The following FCRL5 variants were observed in gnomAD, a reference collection of about 807,000 sequenced individuals.
The protein encoded by FCRL5 is Fc receptor like 5.
FCRL5 carries 79 observed loss-of-function variants against 92.1 expected under a neutral mutation model. The ratio of observed to expected loss-of-function variants is 0.86; its 90% CI spans 0.72 to 1.03. The LOEUF (loss-of-function observed/expected upper bound fraction) is 1.03. Ranked by LOEUF, FCRL5 falls within the 50% of genes least tolerant of loss-of-function variation. The probability of loss-of-function intolerance (pLI) is 0.00; values close to 1 mark genes in which losing one functional copy is unlikely to be tolerated. For synonymous variants in FCRL5, 466 were observed against 469.3 expected (o/e 0.99, Z 0.09); for missense variants, 1,160 against 1,181.1 (o/e 0.98, Z 0.26).
intron 15 of FCRL5, among the ~76,000 whole-genome samples, chr1:157,517,411 TG>T: frequency 6.6e-6 from 1 of 152,298 alleles, no homozygotes; most frequent in East Asian, 1.9e-4. Flanking sequence ...ACCTTTCAGA[TG>T]TGATTAGGAT....
intron 6 of FCRL5, among the ~76,000 whole-genome samples, chr1:157,541,503 G>T: frequency 6.6e-6 from 1 of 152,274 alleles, no homozygotes; most frequent in East Asian, 1.9e-4. Flanking sequence ...TGCTGCAGTC[G>T]TCAAGAACCG....
chr1:157,549,095 C>T (rs1651691066), intron 2 of FCRL5, among the ~76,000 whole-genome samples: 1 of 151,986 alleles, frequency 6.6e-6, no homozygotes, highest in Admixed American at 6.6e-5. Flanking sequence ...CCATGGAATA[C>T]TATGCAGCCA....
intron 6 of FCRL5, among the ~76,000 whole-genome samples, chr1:157,540,592 G>C (rs555851582): frequency 6.6e-6 from 1 of 150,676 alleles, no homozygotes; most frequent in East Asian, 1.9e-4. Flanking sequence ...CCTCACAGTC[G>C]GTTTCTCCGC....
chr1:157,534,761 T>C lies in FCRL5; in HGVS notation c.1534A>G (p.Met512Val), dbSNP rs560596738. 14 of 1,614,044 alleles carry C rather than the reference T, an allele frequency of 8.7e-6. No individual in the cohort carries two copies. The highest frequency in any genetic ancestry group is 1.2e-5 in the Non-Finnish European group (14 of 1,180,024). ...GGTGTTGAGCTGCTCCACAGGGGCATGTCCTCATGATAAAACTGGTATAGG... is the reference window on the plus strand; with the variant it reads ...GGTGTTGAGCTGCTCCACAGGGGCACGTCCTCATGATAAAACTGGTATAGG... ...QILYQFYHED[M>V]PLWSSSTPSV... The change falls in exon 8 of 17, where the codon ATG becomes GTG. Residue 512 changes from methionine (M) to valine (V), a missense_variant. Met to Val is a conservative substitution (Grantham distance 21). Coordinates refer to ENST00000361835, the MANE Select transcript of FCRL5 (RefSeq NM_031281.3).
intron 9 of FCRL5, among the ~76,000 whole-genome samples, chr1:157,527,221 A>G (rs1484630125): frequency 2.0e-5 from 3 of 152,216 alleles, no homozygotes; most frequent in African/African-American, 7.2e-5. Context: ...AGCCAATAAG[A>G]GAATTGTGTT....
At position 157,524,281 on chromosome 1, in the gene FCRL5, G is replaced by T. The variant is rs745782125; in HGVS notation, c.2237C>A (p.Ala746Glu). ...GCTGGTGGGCAGGGCCCACTCACCT[G>T]CAACTTTCAGTGTCACCATCTCACT... Reference protein sequence around the residue: ...QRSEMVTLKVAVPVSRPVLTL... With the variant: ...QRSEMVTLKVEVPVSRPVLTL... The change falls in exon 10 of 17, where the codon GCA becomes GAA. Residue 746 changes from alanine (A) to glutamate (E), a missense_variant and splice_region_variant. Transcript: ENST00000361835. 3 of 1,614,072 alleles carry T rather than the reference G, an allele frequency of 1.9e-6. No homozygotes were observed. Among genetic ancestry groups the T allele is most frequent in the Non-Finnish European group, 2.5e-6 (3 of 1,180,016 alleles).
rs1440958763 is a variant in FCRL5 at position 157,515,230 on chromosome 1, C to A, written c.*445G>T. ...TGCAGTAGCCCCACCAGGCTGATGACAATTGAGAAATGCATCCACCCAAAG... is the reference window on the plus strand; with the variant it reads ...TGCAGTAGCCCCACCAGGCTGATGAAAATTGAGAAATGCATCCACCCAAAG... On this transcript the variant is annotated 3_prime_UTR_variant, in exon 17 of 17. Coordinates refer to ENST00000361835, the MANE Select transcript of FCRL5 (RefSeq NM_031281.3). 2 of 259,686 alleles carry A rather than the reference C, an allele frequency of 7.7e-6. No individual in the cohort carries two copies. Among genetic ancestry groups the A allele is most frequent in the Non-Finnish European group, 1.5e-5 (2 of 133,134 alleles). The allele number at this position is 259,686 out of a possible 1,614,324, so 16.1% of individuals were successfully genotyped here.
At chr1:157,516,091 C>T in intron 15 of FCRL5, 1 of 630,464 alleles carries the variant, frequency 1.6e-6, no homozygotes, top group Admixed American at 2.5e-5. Flanking sequence ...CCCCTTCACA[C>T]TTTGTGGCCC....
At position 157,515,549 on chromosome 1, in the gene FCRL5, A is replaced by G. The variant is rs2101586811; in HGVS notation, c.*126T>C. The G allele has an allele frequency of 1.1e-5, 17 of 1,596,220 alleles. No homozygotes were observed. Among genetic ancestry groups the G allele is most frequent in the South Asian group, 1.0e-4 (9 of 89,866 alleles). On this transcript the variant is annotated 3_prime_UTR_variant, in exon 17 of 17. Coordinates refer to ENST00000361835, the MANE Select transcript of FCRL5 (RefSeq NM_031281.3). The stretch of plus-strand genomic sequence containing the variant: ...TTCTGGTCAGACTGAGAATGAGGAC[A>G]TGTGAAACAAAGGCCAGTAGATATG...
At position 157,547,067 on chromosome 1, in the gene FCRL5, G is replaced by T; in HGVS notation, c.183C>A (p.Tyr61Ter). 2 of 1,614,160 alleles carry T rather than the reference G, an allele frequency of 1.2e-6. No homozygotes were observed. Among genetic ancestry groups the T allele is most frequent in the South Asian group, 1.1e-5 (1 of 91,076 alleles). ...SPQKTKWYHR[Y>*]LGKEILRETP... ...TTTCTCTTAGTATTTCTTTCCCAAG[G>T]TACCGATGGTACCATTTTGTTTTCT... The change falls in exon 3 of 17, where the codon TAC becomes TAA. Residue 61 changes from tyrosine to a stop codon, truncating the protein, a stop_gained. Transcript: ENST00000361835. LOFTEE classifies it high-confidence loss of function.
At chr1:157,534,987 A>T in intron 7 of FCRL5, 95 bp from the exon 8 acceptor site, 1 of 1,223,988 alleles carries the variant, frequency 8.2e-7, no homozygotes, top group South Asian at 1.8e-5. Context: ...CCAGTACAGG[A>T]TCTCTAGACT....
intron 7 of FCRL5, among the ~76,000 whole-genome samples, chr1:157,536,625 G>GT (rs1381634486): frequency 6.6e-6 from 1 of 152,214 alleles, no homozygotes; most frequent in African/African-American, 2.4e-5. Context: ...TTCTAATGAT[G>GT]TTGTCTTCCC....
Position 157,544,244 on chromosome 1 carries a change from G to A in FCRL5, c.844+18C>T. ...CCAGCCCTCTCTGCAGCAAATCTCA[G>A]GTTCCACCAACACTTACTCTGCACC... On this transcript the variant is annotated intron_variant, in intron 5 of 16. Coordinates refer to ENST00000361835, the MANE Select transcript of FCRL5 (RefSeq NM_031281.3). 3 of 1,610,452 alleles carry A rather than the reference G, an allele frequency of 1.9e-6. No individual in the cohort carries two copies. Among genetic ancestry groups the A allele is most frequent in the Non-Finnish European group, 2.5e-6 (3 of 1,176,838 alleles).
At chr1:157,546,750 T>G (rs1382398991) in intron 3 of FCRL5, among the ~76,000 whole-genome samples, 193 bp downstream of exon 3, 1 of 152,208 alleles carries the variant, frequency 6.6e-6, no homozygotes, top group Non-Finnish European at 1.5e-5. Flanking sequence ...TTTATTTTAA[T>G]GTTTAAAATT....
At chr1:157,533,168 G>A (rs1221738999) in intron 8 of FCRL5, 2 of 151,960 alleles carry the variant, frequency 1.3e-5, no homozygotes, top group African/African-American at 4.8e-5. Context: ...CAACATATAT[G>A]TTCTGATCTA....
intron 9 of FCRL5, among the ~76,000 whole-genome samples, chr1:157,525,526 T>C (rs1202504676): frequency 6.6e-6 from 1 of 152,232 alleles, no homozygotes; most frequent in Non-Finnish European, 1.5e-5. Flanking sequence ...AGTCTATCTA[T>C]GCAGGGCTGT....
rs1650190238 is a variant in FCRL5 at position 157,521,401 on chromosome 1, G to T, written c.2240-109C>A. 14 of 1,299,552 alleles carry T rather than the reference G, an allele frequency of 1.1e-5. No individual in the cohort carries two copies. The East Asian group carries it at 3.3e-4, about 31-fold the overall frequency. The allele number at this position is 1,299,552 out of a possible 1,614,324, so 80.5% of individuals were successfully genotyped here. On this transcript the variant is annotated intron_variant, in intron 10 of 16. Coordinates refer to ENST00000361835, the MANE Select transcript of FCRL5 (RefSeq NM_031281.3). Reference sequence around the variant, plus strand: ...AGTCATATCTCAATCTTGGAAAGTAGATTAAAACATAGATGATAAAGCTAA... The same window carrying T: ...AGTCATATCTCAATCTTGGAAAGTATATTAAAACATAGATGATAAAGCTAA...
chr1:157,533,216 T>C (rs949070711), intron 8 of FCRL5: 1 of 152,204 alleles, frequency 6.6e-6, no homozygotes, highest in African/African-American at 2.4e-5. Flanking sequence ...CAATTTCTAC[T>C]ACATTTTTGA....
chr1:157,518,776 AG>A lies in FCRL5; in HGVS notation c.2666del (p.Pro889LeufsTer114), dbSNP rs1255546016. 5 of 1,611,220 alleles carry A rather than the reference AG, an allele frequency of 3.1e-6. No individual in the cohort carries two copies. Among genetic ancestry groups the A allele is most frequent in the Non-Finnish European group, 4.2e-6 (5 of 1,178,932 alleles). On this transcript the variant is annotated frameshift_variant, in exon 14 of 17. Coordinates refer to ENST00000361835, the MANE Select transcript of FCRL5 (RefSeq NM_031281.3). LOFTEE classifies it high-confidence loss of function. Reference sequence around the variant, plus strand: ...TGGGCTCTTGGGAGTCCGAGTCTGAAGGGCTCCTGTGAGACAGAGAAATGTG... The same window carrying A: ...TGGGCTCTTGGGAGTCCGAGTCTGAAGGCTCCTGTGAGACAGAGAAATGTG... ...RKPASDPARS[P>X]SDSDSQEPTY...
Sources: gnomAD v4.1 joint callset for allele counts (sites outside exome capture counted in the v4.1 genomes callset) on GRCh38, gnomAD v4.1.1 for gene constraint, MANE v1.5 for transcripts, NCBI Gene and HGNC (gene_info 2026-07-23, HGNC 2026-07-21) for gene names.